BTF3: variants seen among roughly 807,000 people sequenced by gnomAD.
The protein encoded by BTF3 is transcription factor BTF3.
BTF3 carries 12 observed loss-of-function variants against 23.9 expected under a neutral mutation model. That is an observed-to-expected ratio of 0.50 (90% CI 0.32 to 0.81). BTF3 has a LOEUF of 0.81. Ranked by LOEUF, BTF3 falls within the 40% of genes least tolerant of loss-of-function variation. The pLI, the probability that BTF3 is intolerant of heterozygous loss-of-function variation, is 0.03. For missense variants in BTF3, 215 were observed against 255.9 expected (o/e 0.84, Z 1.09); for synonymous variants, 96 against 94.8 (o/e 1.01, Z -0.07).
chr5:73,499,219 C>G lies in BTF3; in HGVS notation c.201+17C>G. On this transcript the variant is annotated intron_variant, in intron 2 of 5. Transcript: ENST00000380591. ...GGTGGGAAAGTAAGTTTTAATAGTT[C>G]GGGTTTGTGGGTTTTTTTTTTAAGG... 1 of 1,604,094 alleles carries G rather than the reference C, an allele frequency of 6.2e-7. No individual in the cohort carries two copies. The highest frequency in any genetic ancestry group is 8.5e-7 in the Non-Finnish European group (1 of 1,179,100).
Position 73,505,530 on chromosome 5 carries a change from C to A in BTF3, c.*292C>A, listed in dbSNP as rs948498861. 1 of 256,044 alleles carries A rather than the reference C, an allele frequency of 3.9e-6. No individual in the cohort carries two copies. The highest frequency in any genetic ancestry group is 7.4e-6 in the Non-Finnish European group (1 of 135,046). 15.9% of individuals were successfully genotyped at this position (256,044 alleles called of 1,614,324 possible). A position where few individuals can be genotyped will look rare whatever the true frequency, so the allele number is the denominator to read the frequency against. On this transcript the variant is annotated 3_prime_UTR_variant, in exon 6 of 6. Coordinates refer to ENST00000380591, the MANE Select transcript of BTF3 (RefSeq NM_001037637.2). ...ATTTTTTTATTTCATTGACACCGAT[C>A]TGTACACAGTAAAAAAAATTGCTTA... is the stretch of plus-strand genomic sequence containing the variant.
chr5:73,498,922 C>T, intron 1 of BTF3, 123 bp downstream of exon 1: 7 of 1,359,956 alleles, frequency 5.1e-6, no homozygotes, highest in Non-Finnish European at 6.7e-6. Context: ...CCGGGCCTGC[C>T]AAGAGCGGGG....
At chr5:73,501,413 G>A (rs1237754840) in intron 2 of BTF3, among the ~76,000 whole-genome samples, 1 of 152,210 alleles carries the variant, frequency 6.6e-6, no homozygotes, top group Non-Finnish European at 1.5e-5. Context: ...ATGATAAAAT[G>A]TATTTATCTC....
intron 2 of BTF3, among the ~76,000 whole-genome samples, chr5:73,500,929 C>CTTT (rs764242245): frequency 7.3e-6 from 1 of 137,498 alleles, no homozygotes. Flanking sequence ...GTAACCAGTA[C>CTTT]TTTTTTTTTT....
chr5:73,503,003 A>G lies in BTF3; in HGVS notation c.403A>G (p.Thr135Ala). The change falls in exon 4 of 6, where the codon ACA becomes GCA. Residue 135 changes from threonine (T) to alanine (A), a missense_variant. By Grantham distance (58) the Thr-to-Ala change is moderately conservative. This residue lies in a region of BTF3 where 99 missense variants were observed against 171.2 expected (regional missense o/e 0.58). Coordinates refer to ENST00000380591, the MANE Select transcript of BTF3 (RefSeq NM_001037637.2). ...ASLAANTFTI[T>A]GHAETKQLTE... Reference sequence around the variant, plus strand: ...TCTGGCAGCGAACACTTTCACCATTACAGGCCATGCTGAGACAAAGCAGCT... The same window carrying G: ...TCTGGCAGCGAACACTTTCACCATTGCAGGCCATGCTGAGACAAAGCAGCT... The G allele has an allele frequency of 6.2e-7, 1 of 1,613,904 alleles. No homozygotes were observed. Among genetic ancestry groups the G allele is most frequent in the Non-Finnish European group, 8.5e-7 (1 of 1,179,896 alleles).
intron 1 of BTF3, 117 bp downstream of exon 1, chr5:73,498,916 G>A (rs1290259219): frequency 2.8e-6 from 4 of 1,422,690 alleles, no homozygotes; most frequent in Non-Finnish European, 3.7e-6. Context: ...TTTCATCCGG[G>A]CCTGCCAAGA....
intron 5 of BTF3, 59 bp from the exon 6 acceptor site, chr5:73,505,133 C>A: frequency 7.3e-7 from 1 of 1,361,992 alleles, no homozygotes; most frequent in Non-Finnish European, 1.0e-6. Context: ...CTTTTAATAT[C>A]TGATAATTAT....
intron 1 of BTF3, 39 bp downstream of exon 1, chr5:73,498,838 G>T (rs1275948094): frequency 1.1e-5 from 17 of 1,500,452 alleles, no homozygotes; most frequent in South Asian, 7.5e-5. Context: ...GGCCGGGCAG[G>T]CCCTGGCTAG....
chr5:73,499,076 G>T, intron 1 of BTF3, 58 bp from the exon 2 acceptor site: 1 of 1,512,270 alleles, frequency 6.6e-7, no homozygotes, highest in South Asian at 1.2e-5. Context: ...GAAATAACGA[G>T]CATGGAATGC....
At chr5:73,499,610 A>G in intron 2 of BTF3, 1 of 312,744 alleles carries the variant, frequency 3.2e-6, no homozygotes, top group Non-Finnish European at 6.2e-6. Flanking sequence ...TTCTGAACTA[A>G]ATATTCTTTA....
chr5:73,501,497 A>G (rs909067890), intron 2 of BTF3, among the ~76,000 whole-genome samples: 1 of 152,176 alleles, frequency 6.6e-6, no homozygotes, highest in African/African-American at 2.4e-5. Context: ...GGAAGTTGCT[A>G]TTTTACTTTG....
rs1179234593 is a variant in BTF3 at position 73,498,691 on chromosome 5, T to C, written c.24T>C (p.Ala8=). 4.7e-6 allele frequency: 7 copies of C among 1,498,246 alleles called. No homozygotes were observed. The highest frequency in any genetic ancestry group is 6.2e-6 in the Non-Finnish European group (7 of 1,132,230). The allele number at this position is 1,498,246 out of a possible 1,614,324, so 92.8% of individuals were successfully genotyped here. Reference sequence around the variant, plus strand: ...CGATGCGACGGACAGGCGCACCCGCTCAGGCTGACTCTCGGGGGCGAGGTC... The same window carrying C: ...CGATGCGACGGACAGGCGCACCCGCCCAGGCTGACTCTCGGGGGCGAGGTC... MRRTGAP[A]QADSRGRGRA... Residue 8 remains alanine, a synonymous_variant, in exon 1 of 6, where the codon GCT becomes GCC. Coordinates refer to ENST00000380591, the MANE Select transcript of BTF3 (RefSeq NM_001037637.2).
At chr5:73,500,909 G>A (rs1241079069) in intron 2 of BTF3, among the ~76,000 whole-genome samples, 1 of 151,366 alleles carries the variant, frequency 6.6e-6, no homozygotes, top group Non-Finnish European at 1.5e-5. Context: ...TTAATAGTTT[G>A]GAGAGGTTAG....
In BTF3 at chr5:73,505,209, G is replaced by C. The variant is rs1746529012; in HGVS notation, c.592G>C (p.Asp198His). ...TTTCCTAGATCTTGTGGAGAATTTT[G>C]ATGAGGCTTCCAAGAATGAGGCAAA... The part of the protein sequence containing the change: ...DEVPDLVENF[D>H]EASKNEAN The change falls in exon 6 of 6, where the codon GAT becomes CAT. Residue 198 changes from aspartate (D) to histidine (H), a missense_variant. Asp to His is a moderately conservative substitution (Grantham distance 81). Transcript: ENST00000380591. 1 of 1,609,576 alleles carries C rather than the reference G, an allele frequency of 6.2e-7. No individual in the cohort carries two copies. Among genetic ancestry groups the C allele is most frequent in the African/African-American group, 1.3e-5 (1 of 74,732 alleles).
chr5:73,498,935 C>T, intron 1 of BTF3, 136 bp downstream of exon 1: 2 of 1,362,862 alleles, frequency 1.5e-6, no homozygotes, highest in Admixed American at 5.7e-5. Flanking sequence ...GAGCGGGGAG[C>T]TGTGGGGGAG....
chr5:73,504,300 A>AT, intron 4 of BTF3, 47 bp from the exon 5 acceptor site: 1 of 444,582 alleles, frequency 2.2e-6, no homozygotes. Context: ...TTTGGTGAAT[A>AT]TTTATTAAAA....
rs973934132 is a variant in BTF3, at chr5:73,505,302, A to G, written c.*64A>G. ...CTGGGAGCTGCTATTTTATATTATG[A>G]CTGCTTTTTAAGAAATTTTTGTTTA... On this transcript the variant is annotated 3_prime_UTR_variant, in exon 6 of 6. Coordinates refer to ENST00000380591, the MANE Select transcript of BTF3 (RefSeq NM_001037637.2). The G allele has an allele frequency of 9.6e-6, 14 of 1,451,762 alleles. No individual in the cohort carries two copies. In the African/African-American group the frequency reaches 2.0e-4, roughly 21 times the overall value. The allele number at this position is 1,451,762 out of a possible 1,614,324, so 89.9% of individuals were successfully genotyped here.
chr5:73,499,224 T>C lies in BTF3; in HGVS notation c.201+22T>C, dbSNP rs2115440. ...GAAAGTAAGTTTTAATAGTTCGGGTTTGTGGGTTTTTTTTTTAAGGTTTAG... is the reference window on the plus strand; with the variant it reads ...GAAAGTAAGTTTTAATAGTTCGGGTCTGTGGGTTTTTTTTTTAAGGTTTAG... On this transcript the variant is annotated intron_variant, in intron 2 of 5. Transcript: ENST00000380591. 5,251 of 1,602,926 alleles carry C rather than the reference T, an allele frequency of 3.3e-3. 136 individuals are homozygous for C. In the African/African-American group the frequency reaches 0.067, roughly 20 times the overall value.
At chr5:73,502,726 C>A in intron 3 of BTF3, 125 bp downstream of exon 3, 1 of 831,102 alleles carries the variant, frequency 1.2e-6, no homozygotes, top group Non-Finnish European at 1.8e-6. Context: ...AGATGTGTTT[C>A]TACCATAAAT....
Sources: allele counts gnomAD v4.1 joint callset (sites outside exome capture counted in the v4.1 genomes callset), GRCh38; gene constraint gnomAD v4.1.1; regional missense constraint gnomAD v4.1.1; transcripts MANE v1.5; gene names NCBI Gene and HGNC (gene_info 2026-07-23, HGNC 2026-07-21).